GP5: variants seen among roughly 807,000 people sequenced by gnomAD.
GP5 encodes glycoprotein V platelet.
For missense variants in GP5, 755 were observed against 737.1 expected, an observed-to-expected ratio of 1.02 and a Z score of -0.28; for synonymous variants, 382 against 353.9, an observed-to-expected ratio of 1.08 and a Z score of -0.89.
At position 194,396,502 on chromosome 3, in the gene GP5, G is replaced by A; in HGVS notation, c.*98C>T. ...AGAGAAGAGGAAGAAGAGAGGAGGA[G>A]TGGGGAGGGGAGGGAGAGCAAGACA... On this transcript the variant is annotated 3_prime_UTR_variant, in exon 2 of 2. Transcript: ENST00000692618. 4 of 890,596 alleles carry A rather than the reference G, an allele frequency of 4.5e-6. No homozygotes were observed. The highest frequency in any genetic ancestry group is 3.5e-6 in the Non-Finnish European group (2 of 574,428). 55.2% of individuals were successfully genotyped at this position (890,596 alleles called of 1,614,324 possible). A position where few individuals can be genotyped will look rare whatever the true frequency, so the allele number is the denominator to read the frequency against.
In GP5 at chr3:194,396,617, C is replaced by G. The variant is rs745325700; in HGVS notation, c.1666G>C (p.Glu556Gln). 1 of 1,611,040 alleles carries G rather than the reference C, an allele frequency of 6.2e-7. No homozygotes were observed. Among genetic ancestry groups the G allele is most frequent in the Admixed American group, 1.7e-5 (1 of 59,816 alleles). The change falls in exon 2 of 2, where the codon GAG (glutamate) becomes CAG (glutamine). Residue 556 changes from glutamate (E) to glutamine (Q), a missense_variant. Coordinates refer to ENST00000692618, the MANE Select transcript of GP5 (RefSeq NM_004488.2). ...IGQLFRKLIRERALG is the reference protein window; with the variant it reads ...IGQLFRKLIRQRALG ...CCATTGGTTTACCCAAGGGCTCTCT[C>G]TCTGATTAATTTTCGAAAGAGTTGG...
rs1714463316 is a variant in GP5 at position 194,396,614 on chromosome 3, T to C, written c.1669A>G (p.Arg557Gly). The C allele has an allele frequency of 6.2e-7, 1 of 1,610,582 alleles. No individual in the cohort carries two copies. Among genetic ancestry groups the C allele is most frequent in the Non-Finnish European group, 8.5e-7 (1 of 1,177,990 alleles). The change falls in exon 2 of 2, where the codon AGA becomes GGA. Residue 557 changes from arginine to glycine, a missense_variant. Coordinates refer to ENST00000692618, the MANE Select transcript of GP5 (RefSeq NM_004488.2). ...GQLFRKLIRERALG is the reference protein window; with the variant it reads ...GQLFRKLIREGALG ...TTCCCATTGGTTTACCCAAGGGCTCTCTCTCTGATTAATTTTCGAAAGAGT... is the reference window on the plus strand; with the variant it reads ...TTCCCATTGGTTTACCCAAGGGCTCCCTCTCTGATTAATTTTCGAAAGAGT...
rs778980398 is a variant in GP5 at position 194,397,953 on chromosome 3, G to A, written c.330C>T (p.Ile110=). ...LKTLRLSRNK[I]THLPGALLDK... is the part of the protein sequence containing the mutation. ...CCAGCAGCGCACCTGGAAGATGCGT[G>A]ATTTTGTTGCGCGACAGCCTCAGGG... The change falls in exon 2 of 2, where the codon ATC becomes ATT. Residue 110 remains isoleucine, a synonymous_variant. Transcript: ENST00000692618. The surrounding 1 kb of genome is among the most constrained non-coding windows in gnomAD (Gnocchi z 7.2). The A allele has an allele frequency of 1.9e-6, 3 of 1,614,226 alleles. No individual in the cohort carries two copies. The highest frequency in any genetic ancestry group is 2.5e-6 in the Non-Finnish European group (3 of 1,180,026).
rs1210154359 is a variant in GP5 at position 194,395,467 on chromosome 3, T to C, written c.*1133A>G. On this transcript the variant is annotated 3_prime_UTR_variant, in exon 2 of 2. Coordinates refer to ENST00000692618, the MANE Select transcript of GP5 (RefSeq NM_004488.2). The stretch of plus-strand genomic sequence containing the variant: ...TTCCAGGAAATGCAAATCAATCCAG[T>C]TTCAAAATGACATGTTGCATGGATG... The C allele has an allele frequency of 6.6e-6, 1 of 152,172 alleles. No homozygotes were observed. Among genetic ancestry groups the C allele is most frequent in the Non-Finnish European group, 1.5e-5 (1 of 68,044 alleles). The allele number at this position is 152,172 out of a possible 1,614,324, so 9.4% of individuals were successfully genotyped here.
rs200212020 is a variant in GP5 at position 194,398,087 on chromosome 3, G to A, written c.196C>T (p.Gln66Ter). 41 of 1,613,710 alleles carry A rather than the reference G, an allele frequency of 2.5e-5. No homozygotes were observed. The African/African-American group carries it at 4.8e-4, about 19-fold the overall frequency. Residue 66 changes from glutamine (Q) to a stop codon, truncating the protein, a stop_gained, in exon 2 of 2, where the codon CAG becomes TAG. Coordinates refer to ENST00000692618, the MANE Select transcript of GP5 (RefSeq NM_004488.2). LOFTEE classifies it low-confidence loss of function (END_TRUNC). ...LLFGMGRGVL[Q>*]SQSFSGMTVL... ...GTCATGCCGCTGAAGCTCTGGCTCT[G>A]CAGGACGCCGCGGCCCATTCCGAAG...
rs908221338 is a variant in GP5, at chr3:194,396,442, G to T, written c.*158C>A. Reference sequence around the variant, plus strand: ...AGAATGAAGAGCACAGAGCGGAGAGGGGGAGGAGGAGGGAAAGGAAGGCGT... The same window carrying T: ...AGAATGAAGAGCACAGAGCGGAGAGTGGGAGGAGGAGGGAAAGGAAGGCGT... On this transcript the variant is annotated 3_prime_UTR_variant, in exon 2 of 2. Coordinates refer to ENST00000692618, the MANE Select transcript of GP5 (RefSeq NM_004488.2). 6.5e-6 allele frequency: 4 copies of T among 617,490 alleles called. No homozygotes were observed. The African/African-American group carries it at 7.4e-5, about 11-fold the overall frequency. The allele number at this position is 617,490 out of a possible 1,614,324, so 38.3% of individuals were successfully genotyped here.
intron 1 of GP5, 45 bp from the exon 2 acceptor site, chr3:194,398,329 C>G (rs1485008976): frequency 6.6e-7 from 1 of 1,508,278 alleles, no homozygotes; most frequent in Non-Finnish European, 8.9e-7. Context: ...CAGGAGCGTT[C>G]GCGCCTGTAC....
In GP5 at chr3:194,394,953, A is replaced by C. The variant is rs759400502; in HGVS notation, c.*1647T>G. ...CGGACTTACCCTTATACACAGAGAA[A>C]AATACCAACTCAAAGCTCTTCTTTA... On this transcript the variant is annotated 3_prime_UTR_variant, in exon 2 of 2. Coordinates refer to ENST00000692618, the MANE Select transcript of GP5 (RefSeq NM_004488.2). The C allele has an allele frequency of 1.3e-5, 2 of 152,244 alleles. No individual in the cohort carries two copies. The highest frequency in any genetic ancestry group is 2.9e-5 in the Non-Finnish European group (2 of 68,042). 9.4% of individuals were successfully genotyped at this position (152,244 alleles called of 1,614,324 possible). A position where few individuals can be genotyped will look rare whatever the true frequency, so the allele number is the denominator to read the frequency against.
intron 1 of GP5, 146 bp from the exon 2 acceptor site, chr3:194,398,430 C>T: frequency 1.2e-5 from 9 of 772,648 alleles, no homozygotes; most frequent in Non-Finnish European, 1.9e-5. Context: ...GATTTCCCTA[C>T]GTGGTGAAAA....
At position 194,397,740 on chromosome 3, in the gene GP5, G is replaced by A. The variant is rs552136303; in HGVS notation, c.543C>T (p.Asn181=). ...GCAACCCCTTGGGCAGGTGGGTCAG[G>A]TTGTTTCCCGATAAATCCAACAACT... ...NLKLLDLSGN[N]LTHLPKGLLG... is the part of the protein sequence containing the mutation. Residue 181 remains asparagine (N), a synonymous_variant, in exon 2 of 2, where the codon AAC becomes AAT. Coordinates refer to ENST00000692618, the MANE Select transcript of GP5 (RefSeq NM_004488.2). This position sits in a 1 kb window ranked among gnomAD's most constrained non-coding sequence, Gnocchi z 7.2. 105 of 1,613,866 alleles carry A rather than the reference G, an allele frequency of 6.5e-5. No individual in the cohort carries two copies. The Admixed American group carries it at 1.6e-3, about 25-fold the overall frequency.
Position 194,397,104 on chromosome 3 carries a change from C to G in GP5, c.1179G>C (p.Gln393His). The change falls in exon 2 of 2, where the codon CAG becomes CAC. Residue 393 changes from glutamine (Q) to histidine (H), a missense_variant. Transcript: ENST00000692618. This position sits in a 1 kb window ranked among gnomAD's most constrained non-coding sequence, Gnocchi z 7.2. ...GGGTCTCCAGCTGGTTGTGGTCGAG[C>G]TGGACGCTCTCCAGGCTGCTGAGAT... ...FRNLSSLESV[Q>H]LDHNQLETLP... is the part of the protein sequence containing the mutation. 1 of 1,592,884 alleles carries G rather than the reference C, an allele frequency of 6.3e-7. No individual in the cohort carries two copies. Among genetic ancestry groups the G allele is most frequent in the South Asian group, 1.1e-5 (1 of 89,950 alleles).
rs1195531619 is a variant in GP5, at chr3:194,398,004, G to A, written c.279C>T (p.Thr93=). The change falls in exon 2 of 2, where the codon ACC becomes ACT. Residue 93 remains threonine, a synonymous_variant. Coordinates refer to ENST00000692618, the MANE Select transcript of GP5 (RefSeq NM_004488.2). ...TTTTCAGTTTTATCAGGTCACTGAA[G>A]GTGCCGGGGGCAACGGCGGAAATGT... ...DSHISAVAPG[T]FSDLIKLKTL... is the part of the protein sequence containing the mutation. 1.2e-6 allele frequency: 2 copies of A among 1,614,142 alleles called. No homozygotes were observed. Among genetic ancestry groups the A allele is most frequent in the South Asian group, 1.1e-5 (1 of 91,078 alleles).
rs1714441458 is a variant in GP5 at position 194,396,061 on chromosome 3, T to C, written c.*539A>G. On this transcript the variant is annotated 3_prime_UTR_variant, in exon 2 of 2. Coordinates refer to ENST00000692618, the MANE Select transcript of GP5 (RefSeq NM_004488.2). Reference sequence around the variant, plus strand: ...CCAAAAACAAAAACAAAAAATTAGATAGAGCAACAGCCTATCCTTTCCCTC... The same window carrying C: ...CCAAAAACAAAAACAAAAAATTAGACAGAGCAACAGCCTATCCTTTCCCTC... 1 of 152,540 alleles carries C rather than the reference T, an allele frequency of 6.6e-6. No homozygotes were observed. Among genetic ancestry groups the C allele is most frequent in the Non-Finnish European group, 1.5e-5 (1 of 68,308 alleles). The allele number at this position is 152,540 out of a possible 1,614,324, so 9.4% of individuals were successfully genotyped here.
chr3:194,398,468 A>C, intron 1 of GP5, 184 bp from the exon 2 acceptor site: 1 of 587,614 alleles, frequency 1.7e-6, no homozygotes, highest in Non-Finnish European at 3.0e-6. Flanking sequence ...GCGTGGCCTC[A>C]TGCTTTTGCT....
chr3:194,396,893 C>A lies in GP5; in HGVS notation c.1390G>T (p.Ala464Ser). ...CACTCCGCGTCACCCCCCGGCAGGG[C>A]CCAGAGCGGCAGGCCGGCGTGCGCC... is the stretch of plus-strand genomic sequence containing the variant. ...PGAHAGLPLW[A>S]LPGGDAECPG... The change falls in exon 2 of 2, where the codon GCC becomes TCC. Residue 464 changes from alanine (A) to serine (S), a missense_variant. Ala to Ser is a moderately conservative substitution (Grantham distance 99, BLOSUM62 1). Transcript: ENST00000692618. 1.3e-6 allele frequency: 2 copies of A among 1,535,730 alleles called. No individual in the cohort carries two copies.
Position 194,394,846 on chromosome 3 carries a change from A to G in GP5, c.*1754T>C, listed in dbSNP as rs1714415777. 2 of 152,262 alleles carry G rather than the reference A, an allele frequency of 1.3e-5. No individual in the cohort carries two copies. The highest frequency in any genetic ancestry group is 6.5e-5 in the Admixed American group (1 of 15,288). The allele number at this position is 152,262 out of a possible 1,614,324, so 9.4% of individuals were successfully genotyped here. A position where few individuals can be genotyped will look rare whatever the true frequency, so the allele number is the denominator to read the frequency against. ...GGATCCATTGCTCTGGATTGTGAGC[A>G]CAGAGTCTGGCCACCCAGGGCTGAG... On this transcript the variant is annotated 3_prime_UTR_variant, in exon 2 of 2. Transcript: ENST00000692618.
In GP5 at chr3:194,397,383, G is replaced by T. The variant is rs755334543; in HGVS notation, c.900C>A (p.Thr300=). 3.1e-6 allele frequency: 5 copies of T among 1,610,852 alleles called. No individual in the cohort carries two copies. The highest frequency in any genetic ancestry group is 1.7e-5 in the Admixed American group (1 of 59,972). Residue 300 remains threonine, a synonymous_variant, in exon 2 of 2, where the codon ACC becomes ACA. Transcript: ENST00000692618. This position sits in a 1 kb window ranked among gnomAD's most constrained non-coding sequence, Gnocchi z 7.2. Reference sequence around the variant, plus strand: ...CGGCGGCGGGCAGGGTGCGCAGCTGGGTGCGGTTCAGCCACAGCTCCTGCA... The same window carrying T: ...CGGCGGCGGGCAGGGTGCGCAGCTGTGTGCGGTTCAGCCACAGCTCCTGCA... The part of the protein sequence containing the change: ...GGLQELWLNR[T]QLRTLPAAAF...
chr3:194,398,338 A>C, intron 1 of GP5, 54 bp from the exon 2 acceptor site: 1 of 1,483,218 alleles, frequency 6.7e-7, no homozygotes, highest in South Asian at 1.3e-5. Flanking sequence ...TCGCGCCTGT[A>C]CTGAACCCTG....
chr3:194,396,547 C>T lies in GP5; in HGVS notation c.*53G>A, dbSNP rs1029832632. 2.7e-6 allele frequency: 4 copies of T among 1,490,324 alleles called. No individual in the cohort carries two copies. The highest frequency in any genetic ancestry group is 3.6e-6 in the Non-Finnish European group (4 of 1,099,966). The allele number at this position is 1,490,324 out of a possible 1,614,324, so 92.3% of individuals were successfully genotyped here. On this transcript the variant is annotated 3_prime_UTR_variant, in exon 2 of 2. Transcript: ENST00000692618. Reference sequence around the variant, plus strand: ...AAGACAGCAGCGGGTCTGGATTCCCCTCCGAGCCACATCTGGTCAGGTTCT... The same window carrying T: ...AAGACAGCAGCGGGTCTGGATTCCCTTCCGAGCCACATCTGGTCAGGTTCT...
Sources: gnomAD v4.1 joint callset for allele counts on GRCh38, gnomAD v4.1.1 for gene constraint, Gnocchi (gnomAD v3.1) non-coding constraint, MANE v1.5 for transcripts, NCBI Gene and HGNC (gene_info 2026-07-23, HGNC 2026-07-21) for gene names.